The following FAM3C variants were observed in gnomAD, a reference collection of about 807,000 sequenced individuals.
FAM3C encodes protein FAM3C.
Under a neutral mutation model 32.5 loss-of-function variants are expected in FAM3C, and 15 were observed. The ratio of observed to expected loss-of-function variants is 0.46; its 90% confidence interval spans 0.31 to 0.71. FAM3C has a LOEUF of 0.71. Among genes scored for constraint, FAM3C ranks in the 30% least tolerant of loss-of-function variants. The pLI is 0.05. For missense variants in FAM3C, 175 were observed against 274.4 expected (o/e 0.64, Z 2.56); for synonymous variants, 75 against 86.1 (o/e 0.87, Z 0.72).
At chr7:121,351,335 G>A in intron 8 of FAM3C, 66 bp from the exon 9 acceptor site, 1 of 1,394,196 alleles carries the variant, frequency 7.2e-7, no homozygotes, top group Non-Finnish European at 9.7e-7. Context: ...CTGGTTCACT[G>A]GGATATTAAC....
chr7:121,370,861 C>T (rs1794131736), intron 5 of FAM3C, among the ~76,000 whole-genome samples: 1 of 152,230 alleles, frequency 6.6e-6, no homozygotes, highest in Admixed American at 6.5e-5. Context: ...AATGCTCTCT[C>T]TGCTGTTCCA....
chr7:121,371,505 C>A (rs756382599), intron 4 of FAM3C, 82 bp from the exon 5 acceptor site: 8 of 1,392,218 alleles, frequency 5.7e-6, no homozygotes, highest in Non-Finnish European at 8.0e-6. Context: ...TCTCAAACCA[C>A]AAAGAGCATT....
At chr7:121,392,385 A>G (rs1460955155) in intron 1 of FAM3C, among the ~76,000 whole-genome samples, 1 of 152,108 alleles carries the variant, frequency 6.6e-6, no homozygotes, top group East Asian at 1.9e-4. Flanking sequence ...CAGGAGAGAG[A>G]AGAGAGAGAG....
At chr7:121,372,938 T>C (rs1794176513) in intron 3 of FAM3C, among the ~76,000 whole-genome samples, 1 of 152,160 alleles carries the variant, frequency 6.6e-6, no homozygotes, top group Non-Finnish European at 1.5e-5. Context: ...ACTAGTAAGC[T>C]GAAAGTTAAA....
chr7:121,382,866 T>TA, intron 2 of FAM3C, 91 bp downstream of exon 2: 2 of 961,290 alleles, frequency 2.1e-6, no homozygotes, highest in Non-Finnish European at 3.2e-6. Context: ...ACCTTCTCAA[T>TA]ATAAAGATTA....
chr7:121,362,669 A>G, intron 7 of FAM3C: 1 of 463,020 alleles, frequency 2.2e-6, no homozygotes, highest in African/African-American at 2.1e-5. Context: ...CAATTTTGAT[A>G]TTACTATCTT....
chr7:121,371,755 G>A (rs1034902155), intron 4 of FAM3C, among the ~76,000 whole-genome samples: 1 of 152,008 alleles, frequency 6.6e-6, no homozygotes, highest in Admixed American at 6.5e-5. Context: ...TAGGATGTGG[G>A]GGGTTCTGAA....
chr7:121,386,862 G>C (rs1794475681), intron 1 of FAM3C, among the ~76,000 whole-genome samples: 1 of 151,920 alleles, frequency 6.6e-6, no homozygotes, highest in Admixed American at 6.6e-5. Flanking sequence ...ACAACTCAAA[G>C]AGTCACTAGG....
chr7:121,388,043 A>G (rs963132469), intron 1 of FAM3C, among the ~76,000 whole-genome samples: 1 of 152,134 alleles, frequency 6.6e-6, no homozygotes, highest in African/African-American at 2.4e-5. Flanking sequence ...AAAAAATATT[A>G]ACATTTAAAA....
chr7:121,365,279 T>C (rs1794003280), intron 5 of FAM3C, among the ~76,000 whole-genome samples: 1 of 152,134 alleles, frequency 6.6e-6, no homozygotes, highest in Non-Finnish European at 1.5e-5. Flanking sequence ...GTTAATAAGA[T>C]AAAATAAAGA....
chr7:121,394,163 TTTAA>T (rs1414998342), intron 1 of FAM3C, among the ~76,000 whole-genome samples: 2 of 152,228 alleles, frequency 1.3e-5, no homozygotes, highest in Non-Finnish European at 2.9e-5. Context: ...CTCCAGTATT[TTTAA>T]GAGTATAAAA....
At chr7:121,361,668 T>C (rs1480081794) in intron 7 of FAM3C, among the ~76,000 whole-genome samples, 1 of 152,164 alleles carries the variant, frequency 6.6e-6, no homozygotes, top group Non-Finnish European at 1.5e-5. Flanking sequence ...AATAACAAAA[T>C]AATACACGGC....
intron 1 of FAM3C, among the ~76,000 whole-genome samples, chr7:121,387,188 A>G (rs1794482839): frequency 1.3e-5 from 2 of 152,170 alleles, no homozygotes; most frequent in South Asian, 4.1e-4. Flanking sequence ...TGTGTCACAA[A>G]ATTATTCTTT....
At chr7:121,373,953 G>A (rs1182705560) in intron 3 of FAM3C, among the ~76,000 whole-genome samples, 1 of 148,838 alleles carries the variant, frequency 6.7e-6, no homozygotes, top group Non-Finnish European at 1.5e-5. Flanking sequence ...CCGAGATTGT[G>A]CCACTGCTCT....
At chr7:121,364,214 T>C (rs901684707) in intron 5 of FAM3C, 26 bp from the exon 6 acceptor site, 2 of 1,428,634 alleles carry the variant, frequency 1.4e-6, no homozygotes, top group African/African-American at 1.4e-5. Flanking sequence ...TTGAAATAAA[T>C]TTAGAATTAA....
chr7:121,385,004 G>A (rs1794438835), intron 1 of FAM3C, among the ~76,000 whole-genome samples: 2 of 152,222 alleles, frequency 1.3e-5, no homozygotes, highest in East Asian at 1.9e-4. Context: ...TTGTATGGGT[G>A]AGGGAAGCAA....
chr7:121,355,177 G>A lies in FAM3C; in HGVS notation c.468-3908C>T, dbSNP rs546106438. Among the ~76,000 whole-genome samples, 6 of 152,208 alleles carry A rather than the reference G, an allele frequency of 3.9e-5. No homozygotes were observed. The South Asian group carries it at 1.0e-3, about 26-fold the overall frequency. On this transcript the variant is annotated intron_variant, in intron 8 of 9. Coordinates refer to ENST00000359943, the MANE Select transcript of FAM3C (RefSeq NM_014888.3). Reference sequence around the variant, plus strand: ...TTTTACAGGGAGGCAAACATTCTTTGATCAACATAAAAAGGGAATAGTAGC... The same window carrying A: ...TTTTACAGGGAGGCAAACATTCTTTAATCAACATAAAAAGGGAATAGTAGC...
chr7:121,374,805 C>G (rs1794210438), intron 3 of FAM3C, among the ~76,000 whole-genome samples: 1 of 152,154 alleles, frequency 6.6e-6, no homozygotes, highest in African/African-American at 2.4e-5. Context: ...TTTGCAGGTT[C>G]TTAACATCAG....
At chr7:121,376,434 G>A (rs1794239200) in intron 3 of FAM3C, among the ~76,000 whole-genome samples, 1 of 152,162 alleles carries the variant, frequency 6.6e-6, no homozygotes, top group South Asian at 2.1e-4. Flanking sequence ...TTACTTGGGA[G>A]TACAAAAGGC....
Sources: allele counts gnomAD v4.1 joint callset (sites outside exome capture counted in the v4.1 genomes callset), GRCh38; gene constraint gnomAD v4.1.1; transcripts MANE v1.5; gene names NCBI Gene and HGNC (gene_info 2026-07-23, HGNC 2026-07-21).